SEC24A: variants seen among roughly 807,000 people sequenced by gnomAD.
The protein encoded by SEC24A is SEC24 homolog A, COPII component.
Under a neutral mutation model 129.4 loss-of-function variants are expected in SEC24A, and 93 were observed. The ratio of observed to expected loss-of-function variants is 0.72; its 90% CI spans 0.61 to 0.85. The LOEUF (loss-of-function observed/expected upper bound fraction) is 0.85. SEC24A is among the 40% of genes least tolerant of loss of function. SEC24A has a pLI of 0.00. For synonymous variants in SEC24A, 460 were observed against 467.3 expected, an observed-to-expected ratio of 0.98 and a Z score of 0.20; for missense variants, 1,264 against 1,307.4, an observed-to-expected ratio of 0.97 and a Z score of 0.51.
At chr5:134,706,795 A>C (rs1752171942) in intron 17 of SEC24A, among the ~76,000 whole-genome samples, 1 of 152,110 alleles carries the variant, frequency 6.6e-6, no homozygotes, top group Non-Finnish European at 1.5e-5. Context: ...AGTTCAAGTG[A>C]TTCTCCTGCC....
intron 2 of SEC24A, among the ~76,000 whole-genome samples, chr5:134,665,625 C>T (rs896682115): frequency 3.3e-5 from 5 of 151,884 alleles, no homozygotes; most frequent in Admixed American, 6.6e-5. Flanking sequence ...GACGAGATCT[C>T]AGCTCATTGC....
chr5:134,692,655 G>A lies in SEC24A; in HGVS notation c.1777G>A (p.Glu593Lys). 1 of 1,427,866 alleles carries A rather than the reference G, an allele frequency of 7.0e-7. No individual in the cohort carries two copies. The highest frequency in any genetic ancestry group is 2.3e-5 in the East Asian group (1 of 43,888). 88.4% of individuals were successfully genotyped at this position (1,427,866 alleles called of 1,614,324 possible). A position where few individuals can be genotyped will look rare whatever the true frequency, so the allele number is the denominator to read the frequency against. Residue 593 changes from glutamate to lysine, a missense_variant and splice_region_variant, in exon 12 of 23, where the codon GAG becomes AAG. Glu to Lys is a moderately conservative substitution (Grantham distance 56). Transcript: ENST00000398844. Reference protein sequence around the residue: ...NLLVNLNESKELVQDLLKTLP... With the variant: ...NLLVNLNESKKLVQDLLKTLP... ...ATTAGTAAACTTAAATGAAAGTAAA[G>A]AGGTAAGGCACATTTTCCTACCTGA...
At chr5:134,699,128 C>T (rs1048476583) in intron 15 of SEC24A, among the ~76,000 whole-genome samples, 1 of 151,844 alleles carries the variant, frequency 6.6e-6, no homozygotes, top group Non-Finnish European at 1.5e-5. Flanking sequence ...CTGGGTCTCC[C>T]TATGTTGCCC....
At chr5:134,685,042 C>A (rs1236235603) in intron 9 of SEC24A, among the ~76,000 whole-genome samples, 1 of 152,110 alleles carries the variant, frequency 6.6e-6, no homozygotes, top group Non-Finnish European at 1.5e-5. Context: ...GATTCAACTA[C>A]CCATGGATCG....
chr5:134,672,016 C>T, intron 4 of SEC24A, 130 bp downstream of exon 4: 1 of 612,228 alleles, frequency 1.6e-6, no homozygotes, highest in South Asian at 2.1e-5. Context: ...ATACTATTAA[C>T]TTATTTATTT....
At chr5:134,670,772 G>A (rs930963332) in intron 3 of SEC24A, among the ~76,000 whole-genome samples, 2 of 152,000 alleles carry the variant, frequency 1.3e-5, no homozygotes, top group Admixed American at 6.6e-5. Flanking sequence ...CGCGGATCAC[G>A]AGGCCAGGAG....
At chr5:134,719,381 C>CAAAAA (rs34242727) in intron 20 of SEC24A, among the ~76,000 whole-genome samples, 1 of 61,492 alleles carries the variant, frequency 1.6e-5, no homozygotes, top group African/African-American at 6.2e-5. Flanking sequence ...TACCTAGTCT[C>CAAAAA]AAAAAAAAAA....
At chr5:134,663,472 G>C (rs1445283736) in intron 2 of SEC24A, among the ~76,000 whole-genome samples, 1 of 152,088 alleles carries the variant, frequency 6.6e-6, no homozygotes, top group Non-Finnish European at 1.5e-5. Context: ...TATAAGACTT[G>C]AATAATTTGC....
At position 134,679,675 on chromosome 5, in the gene SEC24A, G is replaced by C. The variant is rs372518881; in HGVS notation, c.1328G>C (p.Ser443Thr). Residue 443 changes from serine (S) to threonine (T), a missense_variant, in exon 8 of 23, where the codon AGC becomes ACC. Coordinates refer to ENST00000398844, the MANE Select transcript of SEC24A (RefSeq NM_021982.3). Reference protein sequence around the residue: ...SCRTYINPFVSFLDQRRWKCN... With the variant: ...SCRTYINPFVTFLDQRRWKCN... ...AGGACGTACATCAATCCTTTCGTCA[G>C]CTTTCTTGATCAAAGGAGATGGAAG... 2.5e-6 allele frequency: 4 copies of C among 1,600,838 alleles called. No individual in the cohort carries two copies. The African/African-American group carries it at 5.4e-5, about 21-fold the overall frequency.
At chr5:134,683,104 C>T (rs1219471283) in intron 9 of SEC24A, among the ~76,000 whole-genome samples, 1 of 151,874 alleles carries the variant, frequency 6.6e-6, no homozygotes, top group Non-Finnish European at 1.5e-5. Context: ...CTCACTGCAA[C>T]CTCCGCCTCC....
At chr5:134,721,529 C>T (rs1752627240) in intron 21 of SEC24A, among the ~76,000 whole-genome samples, 1 of 146,946 alleles carries the variant, frequency 6.8e-6, no homozygotes, top group African/African-American at 2.5e-5. Context: ...TACCACTGCA[C>T]TCCAGCCTGG....
At position 134,660,770 on chromosome 5, in the gene SEC24A, T is replaced by G. The variant is rs184462370; in HGVS notation, c.98-349T>G. On this transcript the variant is annotated intron_variant, in intron 1 of 22. Transcript: ENST00000398844. ...TGGGGTTTCACCATGTTGCCCAGGC[T>G]GGTCTTGAACTCCTGGGCTCAAGCT... Among the ~76,000 whole-genome samples the G allele has an allele frequency of 2.1e-4, 32 of 152,242 alleles. No individual in the cohort carries two copies. In the East Asian group the frequency reaches 6.2e-3, roughly 29 times the overall value.
intron 8 of SEC24A, among the ~76,000 whole-genome samples, chr5:134,680,947 T>C: frequency 6.7e-6 from 1 of 150,042 alleles, no homozygotes; most frequent in Non-Finnish European, 1.5e-5. Context: ...AAAAATACAA[T>C]AATTAGCCGG....
intron 20 of SEC24A, among the ~76,000 whole-genome samples, chr5:134,719,395 A>T (rs1752570078): frequency 6.6e-6 from 1 of 151,248 alleles, no homozygotes; most frequent in Admixed American, 6.6e-5. Context: ...AAAAAAAAAA[A>T]AAAAAGAAGA....
intron 4 of SEC24A, 147 bp downstream of exon 4, chr5:134,672,033 T>C: frequency 1.7e-6 from 1 of 586,984 alleles, no homozygotes; most frequent in African/African-American, 1.9e-5. Flanking sequence ...ATTTATTTAT[T>C]TGGACACAGG....
intron 20 of SEC24A, among the ~76,000 whole-genome samples, chr5:134,720,556 TTC>T (rs1752600928): frequency 1.3e-5 from 2 of 152,308 alleles, no homozygotes; most frequent in African/African-American, 4.8e-5. Context: ...TTATTATTAA[TTC>T]AGTTAAAGGC....
chr5:134,669,425 C>T (rs1750780028), intron 3 of SEC24A, among the ~76,000 whole-genome samples: 1 of 151,936 alleles, frequency 6.6e-6, no homozygotes, highest in Non-Finnish European at 1.5e-5. Context: ...CTCACCCTCC[C>T]AAAGTGCTGG....
chr5:134,696,392 T>C (rs1751824474), intron 13 of SEC24A, among the ~76,000 whole-genome samples: 1 of 152,088 alleles, frequency 6.6e-6, no homozygotes, highest in African/African-American at 2.4e-5. Flanking sequence ...GAACATTTAA[T>C]ATATTTTAGT....
rs1394447260 is a variant in SEC24A at position 134,666,850 on chromosome 5, C to T, written c.593C>T (p.Pro198Leu). 6.2e-7 allele frequency: 1 copy of T among 1,613,948 alleles called. No individual in the cohort carries two copies. ...CCTTCTGTACCTCCCTTAGTGAATC[C>T]ACCTCTGCCTACAACTTTTCAACCA... ...SGPSVPPLVN[P>L]PLPTTFQPGA... The change falls in exon 3 of 23, where the codon CCA becomes CTA. Residue 198 changes from proline (P) to leucine (L), a missense_variant. Transcript: ENST00000398844.
Sources: gnomAD v4.1 joint callset for allele counts (sites outside exome capture counted in the v4.1 genomes callset) on GRCh38, gnomAD v4.1.1 for gene constraint, MANE v1.5 for transcripts, NCBI Gene and HGNC (gene_info 2026-07-23, HGNC 2026-07-21) for gene names.